HERC1: variants seen among roughly 807,000 people sequenced by gnomAD.
HERC1 encodes the protein HECT and RLD domain containing E3 ubiquitin protein ligase family member 1.
A neutral mutation model predicts 554.3 loss-of-function variants in HERC1; 160 were observed. The observed-to-expected ratio is 0.29, with a 90% CI of 0.25 to 0.33. The LOEUF (loss-of-function observed/expected upper bound fraction) is 0.33. Among genes scored for constraint, HERC1 ranks in the 10% least tolerant of loss-of-function variants. The pLI is 1.00. For synonymous variants in HERC1, 2,175 were observed against 2,131.7 expected, an observed-to-expected ratio of 1.02 and a Z score of -0.56; for missense variants, 4,919 against 5,918.5, an observed-to-expected ratio of 0.83 and a Z score of 5.54.
intron 22 of HERC1, 82 bp downstream of exon 22, chr15:63,716,220 T>C (rs2073548229): frequency 3.1e-6 from 4 of 1,289,594 alleles, no homozygotes; most frequent in Middle Eastern, 1.9e-4. Flanking sequence ...ATGGAGAAAC[T>C]TTGCCTTTCT....
chr15:63,649,366 CAAA>C (rs2069549827), intron 54 of HERC1, among the ~76,000 whole-genome samples: 5 of 150,976 alleles, frequency 3.3e-5, no homozygotes, highest in Admixed American at 1.3e-4. Context: ...CAAAACAAAA[CAAA>C]ACACACACAA....
At chr15:63,617,017 T>TTTA (rs1470657994) in intron 74 of HERC1, among the ~76,000 whole-genome samples, 1 of 152,114 alleles carries the variant, frequency 6.6e-6, no homozygotes, top group Non-Finnish European at 1.5e-5. Context: ...TTTTTTTTTT[T>TTTA]TTATTATTAT....
intron 26 of HERC1, among the ~76,000 whole-genome samples, chr15:63,697,428 A>G (rs1051581575): frequency 6.6e-6 from 1 of 150,398 alleles, no homozygotes; most frequent in African/African-American, 2.4e-5. Context: ...GACATGACTT[A>G]ATACAGGTGA....
intron 38 of HERC1, 68 bp from the exon 39 acceptor site, chr15:63,672,762 A>T: frequency 9.8e-7 from 1 of 1,017,552 alleles, no homozygotes; most frequent in Non-Finnish European, 1.4e-6. Flanking sequence ...AGCGGGAATA[A>T]AAAACTTCTA....
At chr15:63,805,783 C>T (rs2077119092) in intron 1 of HERC1, among the ~76,000 whole-genome samples, 1 of 151,738 alleles carries the variant, frequency 6.6e-6, no homozygotes, top group South Asian at 2.1e-4. Flanking sequence ...CCCATTTCTA[C>T]AAAAAATAAG....
intron 66 of HERC1, 39 bp from the exon 67 acceptor site, chr15:63,634,009 A>T: frequency 6.2e-7 from 1 of 1,607,896 alleles, no homozygotes; most frequent in Non-Finnish European, 8.5e-7. Context: ...AAATCACAAG[A>T]CCTAAAACAC....
intron 51 of HERC1, among the ~76,000 whole-genome samples, chr15:63,653,560 G>A (rs1566976051): frequency 6.6e-6 from 1 of 152,142 alleles, no homozygotes; most frequent in Non-Finnish European, 1.5e-5. Context: ...CAGTATCTGT[G>A]GGTGATTGGT....
intron 52 of HERC1, among the ~76,000 whole-genome samples, chr15:63,651,892 C>T (rs1158038874): frequency 1.3e-5 from 2 of 151,976 alleles, no homozygotes; most frequent in African/African-American, 4.8e-5. Context: ...AAAAATTAGC[C>T]GGGCATGGTG....
chr15:63,663,204 G>T lies in HERC1; in HGVS notation c.8681C>A (p.Ala2894Glu). 1 of 1,606,650 alleles carries T rather than the reference G, an allele frequency of 6.2e-7. No homozygotes were observed. The highest frequency in any genetic ancestry group is 1.7e-5 in the Admixed American group (1 of 58,874). ...LAARTLLARA[A>E]GLYRSVQAHR... ...GGCCTGCACAGAGCGGTATAATCCC[G>T]CTCAGAACAAAACAAAAAAGGCATT... The change falls in exon 44 of 78, where the codon GCG becomes GAG. Residue 2894 changes from alanine (A) to glutamate (E), a missense_variant and splice_region_variant. Coordinates refer to ENST00000443617, the MANE Select transcript of HERC1 (RefSeq NM_003922.4).
At chr15:63,617,411 T>C (rs1011339097) in intron 74 of HERC1, among the ~76,000 whole-genome samples, 2 of 152,238 alleles carry the variant, frequency 1.3e-5, no homozygotes, top group African/African-American at 4.8e-5. Context: ...TCTATCATTG[T>C]TGGACATTTG....
chr15:63,688,095 G>A lies in HERC1; in HGVS notation c.6048+1494C>T, dbSNP rs762302580. 9.2e-5 allele frequency among the ~76,000 whole-genome samples: 14 copies of A among 152,174 alleles called. 1 individual carries two copies. The highest frequency in any genetic ancestry group is 2.0e-4 in the Admixed American group (3 of 15,278). On this transcript the variant is annotated intron_variant, in intron 33 of 77. Coordinates refer to ENST00000443617, the MANE Select transcript of HERC1 (RefSeq NM_003922.4). Reference sequence around the variant, plus strand: ...TCCTGTGCAGAGAATGGACTTTAGGGCATAACAATGGAAGCAGATAGAACA... The same window carrying A: ...TCCTGTGCAGAGAATGGACTTTAGGACATAACAATGGAAGCAGATAGAACA...
At chr15:63,760,501 G>A (rs949673278) in intron 3 of HERC1, among the ~76,000 whole-genome samples, 1 of 143,628 alleles carries the variant, frequency 7.0e-6, no homozygotes, top group African/African-American at 2.5e-5. Flanking sequence ...CCTCAAAAAT[G>A]AGGTAACATA....
chr15:63,827,687 T>C (rs1328148564), intron 1 of HERC1, among the ~76,000 whole-genome samples: 1 of 152,158 alleles, frequency 6.6e-6, no homozygotes, highest in Admixed American at 6.5e-5. Context: ...CAAAAAATTG[T>C]ACATGAATGT....
In HERC1 at chr15:63,668,868, C is replaced by CA. The variant is rs1408494956; in HGVS notation, c.8206+669dup. 6.6e-5 allele frequency among the ~76,000 whole-genome samples: 10 copies of CA among 152,104 alleles called. No individual in the cohort carries two copies. In the East Asian group the frequency reaches 9.6e-4, roughly 15 times the overall value. On this transcript the variant is annotated intron_variant, in intron 40 of 77. Transcript: ENST00000443617. ...CTCAATAATAGACAGAACAAGTAGA[C>CA]AAAAAAACCAGAAAGGATAAAGAAG...
rs1595803008 is a variant in HERC1, at chr15:63,608,738, C to T, written c.*343G>A. 5.4e-6 allele frequency: 1 copy of T among 185,108 alleles called. No individual in the cohort carries two copies. Among genetic ancestry groups the T allele is most frequent in the East Asian group, 1.6e-4 (1 of 6,414 alleles). The allele number at this position is 185,108 out of a possible 1,614,324, so 11.5% of individuals were successfully genotyped here. ...CTGTCCTTTCTAATGAACAATTATA[C>T]ACAATGTACAATTTCATGTTCACTG... On this transcript the variant is annotated 3_prime_UTR_variant, in exon 78 of 78. Transcript: ENST00000443617.
At position 63,694,506 on chromosome 15, in the gene HERC1, A is replaced by G. The variant is rs1308270446; in HGVS notation, c.5286T>C (p.Ser1762=). The G allele has an allele frequency of 6.2e-7, 1 of 1,614,072 alleles. No homozygotes were observed. Among genetic ancestry groups the G allele is most frequent in the Non-Finnish European group, 8.5e-7 (1 of 1,179,900 alleles). Residue 1762 remains serine (S), a synonymous_variant, in exon 29 of 78, where the codon AGT becomes AGC. Coordinates refer to ENST00000443617, the MANE Select transcript of HERC1 (RefSeq NM_003922.4). This position sits in a 1 kb window ranked among gnomAD's most constrained non-coding sequence, Gnocchi z 4.3. The part of the protein sequence containing the change: ...RLLLVTVFAL[S]VHYQPVDVSL... ...AAACATCTACTGGTTGATAATGAAC[A>G]CTTAGGGCAAAAACTGTAACCAGAA...
chr15:63,626,835 T>C (rs1340417923), intron 70 of HERC1, among the ~76,000 whole-genome samples: 1 of 152,256 alleles, frequency 6.6e-6, no homozygotes, highest in Non-Finnish European at 1.5e-5. Context: ...TAGTAAAAAC[T>C]AACATTTACT....
At chr15:63,776,097 A>G (rs1414550107) in intron 1 of HERC1, among the ~76,000 whole-genome samples, 1 of 151,842 alleles carries the variant, frequency 6.6e-6, no homozygotes, top group Non-Finnish European at 1.5e-5. Flanking sequence ...TACCTTTTCC[A>G]TTCAGTTCTG....
chr15:63,630,518 G>C lies in HERC1; in HGVS notation c.12914C>G (p.Ala4305Gly), dbSNP rs1351646628. The change falls in exon 69 of 78, where the codon GCT becomes GGT. Residue 4305 changes from alanine (A) to glycine (G), a missense_variant. Ala to Gly is a moderately conservative substitution (Grantham distance 60, BLOSUM62 0). Coordinates refer to ENST00000443617, the MANE Select transcript of HERC1 (RefSeq NM_003922.4). ...ATACACATCTCCATTTGATGCCAAA[G>C]CAAGTGTGTGTTCAGCTCCAACTGC... ...DVAVGAEHTLALASNGDVYAW... is the reference protein window; with the variant it reads ...DVAVGAEHTLGLASNGDVYAW... 1.2e-6 allele frequency: 2 copies of C among 1,613,968 alleles called. No homozygotes were observed. The highest frequency in any genetic ancestry group is 1.7e-6 in the Non-Finnish European group (2 of 1,179,872).
Sources: gnomAD v4.1 joint callset for allele counts (sites outside exome capture counted in the v4.1 genomes callset) on GRCh38, gnomAD v4.1.1 for gene constraint, Gnocchi (gnomAD v3.1) non-coding constraint, MANE v1.5 for transcripts, NCBI Gene and HGNC (gene_info 2026-07-23, HGNC 2026-07-21) for gene names.